SLC14A2: variants seen among roughly 807,000 people sequenced by gnomAD.
SLC14A2 encodes the protein solute carrier family 14 member 2, also known as urea transporter 2.
SLC14A2 carries 91 observed loss-of-function variants against 104.6 expected under a neutral mutation model. That is an observed-to-expected ratio of 0.87 (90% CI 0.73 to 1.04). The LOEUF (loss-of-function observed/expected upper bound fraction) is 1.04, where lower values mean the gene tolerates loss of function less well. Ranked by LOEUF, SLC14A2 falls within the 50% of genes least tolerant of loss-of-function variation. The pLI is 0.00. For synonymous variants in SLC14A2, 476 were observed against 466.4 expected (o/e 1.02, Z -0.27); for missense variants, 1,189 against 1,156.0 (o/e 1.03, Z -0.41).
At chr18:45,582,870 C>G (rs149492626) in intron 2 of SLC14A2, among the ~76,000 whole-genome samples, 1 of 152,182 alleles carries the variant, frequency 6.6e-6, no homozygotes, top group Non-Finnish European at 1.5e-5. Context: ...CAAAATGGAA[C>G]CACTGCCTGC....
chr18:45,237,431 C>G (rs1271707839), intron 1 of SLC14A2, among the ~76,000 whole-genome samples: 1 of 152,162 alleles, frequency 6.6e-6, no homozygotes, highest in African/African-American at 2.4e-5. Context: ...CAGATCCCAG[C>G]ACTCAGCCTT....
chr18:45,296,138 C>T (rs1284982272), intron 1 of SLC14A2, among the ~76,000 whole-genome samples: 2 of 152,142 alleles, frequency 1.3e-5, no homozygotes, highest in African/African-American at 4.8e-5. Context: ...ACATGCAATT[C>T]AGCAAATATT....
intron 1 of SLC14A2, among the ~76,000 whole-genome samples, chr18:45,228,749 A>G (rs979441391): frequency 6.6e-6 from 1 of 152,076 alleles, no homozygotes; most frequent in African/African-American, 2.4e-5. Flanking sequence ...TCCTGATGTA[A>G]AATGCCGCTC....
In SLC14A2 at chr18:45,562,120, T is replaced by C. The variant is rs543540785; in HGVS notation, c.-34-62511T>C. Among the ~76,000 whole-genome samples the C allele has an allele frequency of 3.3e-5, 5 of 152,344 alleles. No homozygotes were observed. The East Asian group carries it at 9.6e-4, about 29-fold the overall frequency. On this transcript the variant is annotated intron_variant, in intron 2 of 20. Coordinates refer to the SLC14A2 transcript ENST00000586448. ...CCCGTTCCAGTTCAAATGCAATTAGTACACCTCCATCGGGTGCACAACACC... is the reference window on the plus strand; with the variant it reads ...CCCGTTCCAGTTCAAATGCAATTAGCACACCTCCATCGGGTGCACAACACC...
upstream of SLC14A2, among the ~76,000 whole-genome samples, chr18:45,210,680 G>A (rs115534914): frequency 8.8e-4 from 134 of 152,310 alleles, no homozygotes; most frequent in African/African-American, 2.9e-3. Context: ...CCACAAGATT[G>A]GTATTGGCCT....
chr18:45,289,166 T>C (rs1420401406), intron 1 of SLC14A2, among the ~76,000 whole-genome samples: 1 of 152,232 alleles, frequency 6.6e-6, no homozygotes, highest in African/African-American at 2.4e-5. Context: ...CATCATTTGC[T>C]TTAATTATTA....
intron 1 of SLC14A2, among the ~76,000 whole-genome samples, chr18:45,395,228 G>A (rs186960202): frequency 5.7e-4 from 87 of 152,300 alleles, no homozygotes; most frequent in East Asian, 1.5e-3. Context: ...CCTGTCATAG[G>A]CTATAATATG....
chr18:45,262,932 C>A (rs1266516665), intron 1 of SLC14A2, among the ~76,000 whole-genome samples: 1 of 152,202 alleles, frequency 6.6e-6, no homozygotes, highest in Non-Finnish European at 1.5e-5. Flanking sequence ...AGAAAATTCC[C>A]ATGCACACTT....
At chr18:45,232,548 T>C (rs1223279318) in intron 1 of SLC14A2, among the ~76,000 whole-genome samples, 1 of 152,244 alleles carries the variant, frequency 6.6e-6, no homozygotes, top group East Asian at 1.9e-4. Flanking sequence ...ATTCTAGTGA[T>C]CATTTAGACA....
At chr18:45,216,115 C>A (rs1427375766) in intron 1 of SLC14A2, among the ~76,000 whole-genome samples, 1 of 152,170 alleles carries the variant, frequency 6.6e-6, no homozygotes, top group Non-Finnish European at 1.5e-5. Flanking sequence ...CCTATAACTT[C>A]TATCCTCACT....
chr18:45,223,673 C>T (rs1204744843), intron 1 of SLC14A2, among the ~76,000 whole-genome samples: 1 of 152,212 alleles, frequency 6.6e-6, no homozygotes, highest in Non-Finnish European at 1.5e-5. Context: ...CTCTTTCCCA[C>T]TGACCAGTGG....
chr18:45,554,493 CT>C (rs1201607856), intron 2 of SLC14A2, among the ~76,000 whole-genome samples: 1 of 152,082 alleles, frequency 6.6e-6, no homozygotes, highest in Non-Finnish European at 1.5e-5. Flanking sequence ...ACTCCTGGGG[CT>C]GCAAGGTGGG....
chr18:45,575,232 C>T (rs1460821215), intron 2 of SLC14A2, among the ~76,000 whole-genome samples: 1 of 152,142 alleles, frequency 6.6e-6, no homozygotes, highest in Non-Finnish European at 1.5e-5. Flanking sequence ...AGTCCCTGAG[C>T]TACAGTGAGT....
At chr18:45,169,007 TC>T in the SLC14A2 span, 1 of 152,158 alleles carries the variant, frequency 6.6e-6, no homozygotes, top group East Asian at 1.9e-4. Flanking sequence ...GGGGCCTGGC[TC>T]CATGCCTGAC....
chr18:45,668,414 T>C lies in SLC14A2; in HGVS notation c.1973T>C (p.Phe658Ser), dbSNP rs1326124160. Residue 658 changes from phenylalanine (F) to serine (S), a missense_variant, in exon 15 of 20, where the codon TTC (phenylalanine) becomes TCC (serine). Physicochemically the swap from Phe to Ser is radical, Grantham distance 155. Transcript: ENST00000255226. ...GVLVGLLMAV[F>S]SDKGDYYWWL... Reference sequence around the variant, plus strand: ...CTGGTGGGGCTGCTGATGGCCGTGTTCTCAGACAAAGGTGACTACTACTGG... The same window carrying C: ...CTGGTGGGGCTGCTGATGGCCGTGTCCTCAGACAAAGGTGACTACTACTGG... 6.2e-7 allele frequency: 1 copy of C among 1,614,050 alleles called. No homozygotes were observed. Among genetic ancestry groups the C allele is most frequent in the African/African-American group, 1.3e-5 (1 of 74,922 alleles).
At chr18:45,254,800 C>T (rs924708626) in intron 1 of SLC14A2, among the ~76,000 whole-genome samples, 5 of 152,086 alleles carry the variant, frequency 3.3e-5, no homozygotes, top group Non-Finnish European at 7.4e-5. Context: ...GAGGGGGCCA[C>T]GTTCTTCCTG....
chr18:45,663,982 C>T (rs1419034026), intron 11 of SLC14A2, 75 bp downstream of exon 11: 1 of 1,453,968 alleles, frequency 6.9e-7, no homozygotes, highest in African/African-American at 1.4e-5. Context: ...ATGGCAATAC[C>T]TACTTCACAG....
intron 1 of SLC14A2, among the ~76,000 whole-genome samples, chr18:45,361,856 TG>T (rs1227948009): frequency 2.0e-5 from 3 of 152,310 alleles, no homozygotes; most frequent in Middle Eastern, 3.4e-3. Context: ...TCCTGATAAT[TG>T]CTGCATGGAA....
intron 1 of SLC14A2, among the ~76,000 whole-genome samples, chr18:45,448,589 C>T (rs2086808390): frequency 6.6e-6 from 1 of 152,110 alleles, no homozygotes; most frequent in African/African-American, 2.4e-5. Context: ...CTCTGCCTTC[C>T]CTCAATTTCA....
Sources: gnomAD v4.1 joint callset for allele counts (sites outside exome capture counted in the v4.1 genomes callset) on GRCh38, gnomAD v4.1.1 for gene constraint, MANE v1.5 for transcripts, NCBI Gene and HGNC (gene_info 2026-07-23, HGNC 2026-07-21) for gene names.